Variants in CNTN4 observed in about 807,000 individuals in gnomAD.
CNTN4 encodes contactin 4.
CNTN4 carries 77 observed loss-of-function variants against 122.5 expected under a neutral mutation model. That is an observed-to-expected ratio of 0.63 (90% CI 0.52 to 0.76). The LOEUF is 0.76. Ranked by LOEUF, CNTN4 falls within the 30% of genes least tolerant of loss-of-function variation. The probability of loss-of-function intolerance (pLI) is 0.00; values close to 1 mark genes in which losing one functional copy is unlikely to be tolerated. For synonymous variants in CNTN4, 512 were observed against 447.0 expected (o/e 1.15, Z -1.83); for missense variants, 1,256 against 1,259.1 (o/e 1.00, Z 0.04).
chr3:2,446,679 T>C (rs1472516191), intron 3 of CNTN4, among the ~76,000 whole-genome samples: 3 of 152,140 alleles, frequency 2.0e-5, no homozygotes, highest in Admixed American at 2.0e-4. Context: ...ACACACTCGG[T>C]TTACTTAGGT....
intron 2 of CNTN4, among the ~76,000 whole-genome samples, chr3:2,322,113 T>C (rs556718052): frequency 2.0e-5 from 3 of 152,324 alleles, no homozygotes; most frequent in South Asian, 2.1e-4. Context: ...GTCTGTATGA[T>C]AAAGTATACA....
At chr3:2,798,419 C>A (rs1302302124) in intron 6 of CNTN4, among the ~76,000 whole-genome samples, 3 of 57,346 alleles carry the variant, frequency 5.2e-5, no homozygotes, top group Non-Finnish European at 1.4e-4. Context: ...CTCCCATTTT[C>A]TTTATCCAAT....
Position 2,125,667 on chromosome 3 carries a change from A to C in CNTN4, c.-145+25028A>C, listed in dbSNP as rs139849428. 5.3e-3 allele frequency among the ~76,000 whole-genome samples: 777 copies of C among 147,110 alleles called. 9 individuals are homozygous for C. Among genetic ancestry groups the C allele is most frequent in the African/African-American group, 0.012 (474 of 39,686 alleles). ...TCTGCCTCCTGGGTTCACCCTTTCT[A>C]CTGCCTCAGCCTCCTGAGTAGCTGG... is the stretch of plus-strand genomic sequence containing the variant. On this transcript the variant is annotated intron_variant, in intron 2 of 24. Coordinates refer to ENST00000418658, the MANE Select transcript of CNTN4 (RefSeq NM_175607.3).
At chr3:2,120,351 T>TTATATATATATATATATATAAATATA (rs1559260478) in intron 2 of CNTN4, among the ~76,000 whole-genome samples, 2 of 45,974 alleles carry the variant, frequency 4.4e-5, no homozygotes, top group African/African-American at 1.3e-4. Context: ...GGCATTTAGG[T>TTATATATATATATATATATAAATATA]TATATATATA....
At chr3:2,201,865 T>C (rs762594445) in intron 2 of CNTN4, among the ~76,000 whole-genome samples, 1 of 152,218 alleles carries the variant, frequency 6.6e-6, no homozygotes, top group Non-Finnish European at 1.5e-5. Flanking sequence ...TATGATAATA[T>C]ACAGAAACTG....
rs139882051 is a variant in CNTN4 at position 2,787,648 on chromosome 3, C to T, written c.359-31838C>T. On this transcript the variant is annotated intron_variant, in intron 6 of 24. Coordinates refer to ENST00000418658, the MANE Select transcript of CNTN4 (RefSeq NM_175607.3). ...AGTTCACTTACCAGCTATTTAACCACAGTCACGTTATTTAACTTCTCTGAG... is the reference window on the plus strand; with the variant it reads ...AGTTCACTTACCAGCTATTTAACCATAGTCACGTTATTTAACTTCTCTGAG... Among the ~76,000 whole-genome samples the T allele has an allele frequency of 1.4e-3, 219 of 152,312 alleles. 1 individual carries two copies. The highest frequency in any genetic ancestry group is 5.1e-3 in the African/African-American group (212 of 41,564).
At chr3:2,799,097 T>A (rs143482809) in intron 6 of CNTN4, among the ~76,000 whole-genome samples, 1 of 152,336 alleles carries the variant, frequency 6.6e-6, no homozygotes, top group East Asian at 1.9e-4. Context: ...ATCAGTGATG[T>A]TGAACATTTT....
intron 4 of CNTN4, among the ~76,000 whole-genome samples, chr3:2,673,873 C>A (rs553456955): frequency 6.6e-6 from 1 of 152,172 alleles, no homozygotes; most frequent in East Asian, 1.9e-4. Context: ...CTTGCAGCTT[C>A]CACTTTTGTC....
intron 4 of CNTN4, among the ~76,000 whole-genome samples, chr3:2,703,396 C>A (rs1413083254): frequency 6.6e-6 from 1 of 152,150 alleles, no homozygotes; most frequent in Non-Finnish European, 1.5e-5. Flanking sequence ...TTATAGTTTT[C>A]ATATCCATTA....
chr3:2,703,587 C>G (rs1477272245), intron 4 of CNTN4, among the ~76,000 whole-genome samples: 1 of 151,902 alleles, frequency 6.6e-6, no homozygotes, highest in South Asian at 2.1e-4. Context: ...CTTTCAGTAT[C>G]TAGGAATCTA....
intron 2 of CNTN4, among the ~76,000 whole-genome samples, chr3:2,242,398 A>G (rs2149619410): frequency 6.6e-6 from 1 of 152,252 alleles, no homozygotes; most frequent in South Asian, 2.1e-4. Flanking sequence ...AGGATTCATT[A>G]GGAAAGGGTT....
chr3:2,922,001 C>T (rs1227606641), intron 12 of CNTN4, among the ~76,000 whole-genome samples: 1 of 152,144 alleles, frequency 6.6e-6, no homozygotes, highest in Non-Finnish European at 1.5e-5. Flanking sequence ...TTGCATTTCT[C>T]ACATGGAGGA....
chr3:2,830,115 C>G (rs1387183526), intron 7 of CNTN4, among the ~76,000 whole-genome samples: 1 of 152,084 alleles, frequency 6.6e-6, no homozygotes, highest in Non-Finnish European at 1.5e-5. Flanking sequence ...TGCTTTTGTG[C>G]AAACGTTTCT....
At chr3:3,005,447 A>G (rs1479840324) in intron 14 of CNTN4, among the ~76,000 whole-genome samples, 1 of 152,218 alleles carries the variant, frequency 6.6e-6, no homozygotes, top group Non-Finnish European at 1.5e-5. Flanking sequence ...CAGTGTCATC[A>G]CTTGCAAATT....
chr3:2,609,862 A>T (rs2081409865), intron 4 of CNTN4, among the ~76,000 whole-genome samples: 1 of 152,160 alleles, frequency 6.6e-6, no homozygotes, highest in Admixed American at 6.5e-5. Context: ...GCAACTTTAT[A>T]TGTAGCACTT....
intron 2 of CNTN4, among the ~76,000 whole-genome samples, chr3:2,328,109 C>T (rs1264599039): frequency 1.3e-5 from 2 of 152,150 alleles, no homozygotes; most frequent in African/African-American, 2.4e-5. Flanking sequence ...TACTTCTGCA[C>T]GGCTGTCCAT....
At chr3:2,196,235 T>C (rs2037826407) in intron 2 of CNTN4, among the ~76,000 whole-genome samples, 1 of 152,192 alleles carries the variant, frequency 6.6e-6, no homozygotes, top group Non-Finnish European at 1.5e-5. Context: ...ATATGAGGTA[T>C]GTGTGTGAAG....
chr3:2,235,233 C>A (rs917205286), intron 2 of CNTN4, among the ~76,000 whole-genome samples: 5 of 152,096 alleles, frequency 3.3e-5, no homozygotes, highest in Admixed American at 3.3e-4. Flanking sequence ...CCAACATTAT[C>A]AATTTGTACA....
intron 4 of CNTN4, among the ~76,000 whole-genome samples, chr3:2,661,260 A>C (rs529531708): frequency 1.2e-4 from 19 of 152,302 alleles, no homozygotes; most frequent in Admixed American, 5.2e-4. Flanking sequence ...AATATCCCAA[A>C]GCCAGGCAGC....
Sources: gnomAD v4.1 joint callset for allele counts (sites outside exome capture counted in the v4.1 genomes callset) on GRCh38, gnomAD v4.1.1 for gene constraint, MANE v1.5 for transcripts, NCBI Gene and HGNC (gene_info 2026-07-23, HGNC 2026-07-21) for gene names.